The following SPATA16 variants were observed in gnomAD, a reference collection of about 807,000 sequenced individuals.
The protein encoded by SPATA16 is spermatogenesis associated 16, also known as spermatogenesis-associated protein 16.
A neutral mutation model predicts 63.3 loss-of-function variants in SPATA16; 36 were observed. The observed-to-expected ratio is 0.57, with a 90% CI of 0.44 to 0.75. The LOEUF is 0.75. Among genes scored for constraint, SPATA16 ranks in the 30% least tolerant of loss-of-function variants. The pLI, the probability that SPATA16 is intolerant of heterozygous loss-of-function variation, is 0.00. For synonymous variants in SPATA16, 203 were observed against 216.7 expected, an observed-to-expected ratio of 0.94 and a Z score of 0.56; for missense variants, 646 against 679.3, an observed-to-expected ratio of 0.95 and a Z score of 0.54.
At chr3:172,905,080 G>A (rs2109551223) in intron 10 of SPATA16, among the ~76,000 whole-genome samples, 1 of 152,142 alleles carries the variant, frequency 6.6e-6, no homozygotes. Flanking sequence ...AAAGCACTTA[G>A]GTTTCTTTCC....
chr3:172,929,593 C>A (rs1732822474), intron 6 of SPATA16, among the ~76,000 whole-genome samples: 1 of 152,070 alleles, frequency 6.6e-6, no homozygotes, highest in East Asian at 1.9e-4. Context: ...ACACACATTC[C>A]CCTTTCTCCT....
chr3:173,057,324 A>G (rs1369729243), intron 2 of SPATA16, among the ~76,000 whole-genome samples: 2 of 152,040 alleles, frequency 1.3e-5, no homozygotes, highest in Admixed American at 1.3e-4. Flanking sequence ...CGTGTTAGCC[A>G]GGATGGTCTC....
intron 1 of SPATA16, among the ~76,000 whole-genome samples, chr3:173,130,940 A>G (rs555558119): frequency 3.9e-5 from 6 of 152,330 alleles, no homozygotes; most frequent in Non-Finnish European, 7.3e-5. Context: ...TGTCTGTGAG[A>G]AAAATTAACT....
intron 4 of SPATA16, among the ~76,000 whole-genome samples, chr3:172,999,390 A>G (rs1031500392): frequency 7.1e-6 from 1 of 141,206 alleles, no homozygotes; most frequent in Non-Finnish European, 1.5e-5. Context: ...GATATCCCCT[A>G]TTTCATTTCT....
At chr3:172,925,560 C>G (rs1053405598) in intron 6 of SPATA16, 68 bp from the exon 7 acceptor site, 3 of 1,599,894 alleles carry the variant, frequency 1.9e-6, no homozygotes, top group Non-Finnish European at 1.7e-6. Flanking sequence ...GTTTTCCCCC[C>G]CAGATTTCAG....
At chr3:172,905,842 G>A (rs1732221559) in intron 10 of SPATA16, among the ~76,000 whole-genome samples, 1 of 152,132 alleles carries the variant, frequency 6.6e-6, no homozygotes, top group Non-Finnish European at 1.5e-5. Flanking sequence ...TTTTAAAGTG[G>A]CATTTCTCCT....
At chr3:173,134,951 A>G (rs955569700) in intron 1 of SPATA16, among the ~76,000 whole-genome samples, 8 of 152,228 alleles carry the variant, frequency 5.3e-5, no homozygotes, top group Non-Finnish European at 1.0e-4. Context: ...TGAACAGAAC[A>G]TACAAATAAA....
At chr3:172,946,982 C>G (rs1733305454) in intron 6 of SPATA16, among the ~76,000 whole-genome samples, 1 of 147,918 alleles carries the variant, frequency 6.8e-6, no homozygotes, top group African/African-American at 2.7e-5. Flanking sequence ...AAGCTTCAGG[C>G]AGCTCAGCGC....
chr3:172,907,759 G>A (rs1253651932), intron 10 of SPATA16, among the ~76,000 whole-genome samples: 1 of 151,876 alleles, frequency 6.6e-6, no homozygotes, highest in Non-Finnish European at 1.5e-5. Flanking sequence ...TGTATTTTTA[G>A]TAGAAACGGG....
rs567660613 is a variant in SPATA16, at chr3:172,937,831, A to G, written c.1082-12339T>C. Among the ~76,000 whole-genome samples, 20 of 152,310 alleles carry G rather than the reference A, an allele frequency of 1.3e-4. No individual in the cohort carries two copies. In the South Asian group the frequency reaches 2.9e-3, roughly 22 times the overall value. The stretch of plus-strand genomic sequence containing the variant: ...AGAGTAGGAAGGCATGTTTGGGTGG[A>G]TATAGGATCCACTGCTCACTATGGA... On this transcript the variant is annotated intron_variant, in intron 6 of 10. Transcript: ENST00000351008.
At chr3:173,049,165 A>T in intron 2 of SPATA16, 71 bp from the exon 3 acceptor site, 2 of 1,486,794 alleles carry the variant, frequency 1.3e-6, no homozygotes, top group Non-Finnish European at 1.8e-6. Context: ...TAAGCAAAAC[A>T]TGTGTATGTT....
chr3:172,897,452 G>T (rs1263544643), intron 10 of SPATA16, among the ~76,000 whole-genome samples: 2 of 152,048 alleles, frequency 1.3e-5, no homozygotes, highest in African/African-American at 4.8e-5. Flanking sequence ...CATTTATTTA[G>T]ATCTTTGATT....
chr3:173,021,308 C>G (rs1390875103), intron 3 of SPATA16, among the ~76,000 whole-genome samples: 1 of 152,174 alleles, frequency 6.6e-6, no homozygotes, highest in Non-Finnish European at 1.5e-5. Flanking sequence ...AGCCACAGAG[C>G]ATTGTATTAT....
intron 6 of SPATA16, among the ~76,000 whole-genome samples, chr3:172,945,472 T>C (rs114108860): frequency 7.8e-4 from 118 of 152,220 alleles, no homozygotes; most frequent in African/African-American, 2.8e-3. Context: ...GATTTTAACA[T>C]CACATAAAGG....
At chr3:172,961,309 G>C (rs1426710659) in intron 5 of SPATA16, among the ~76,000 whole-genome samples, 1 of 152,108 alleles carries the variant, frequency 6.6e-6, no homozygotes, top group East Asian at 1.9e-4. Flanking sequence ...ATAGTAAATT[G>C]ATTTATTTAG....
At chr3:173,125,668 T>C (rs1295192398) in intron 1 of SPATA16, among the ~76,000 whole-genome samples, 1 of 152,100 alleles carries the variant, frequency 6.6e-6, no homozygotes, top group Non-Finnish European at 1.5e-5. Context: ...CCTTCTCTGA[T>C]GAACTAGAGT....
chr3:173,075,023 G>C (rs373739525), intron 2 of SPATA16, among the ~76,000 whole-genome samples: 1 of 134,882 alleles, frequency 7.4e-6, no homozygotes, highest in Non-Finnish European at 1.6e-5. Context: ...GGAAAGAAAA[G>C]AAAAAAAGAA....
chr3:173,003,576 G>A (rs1011490969), intron 4 of SPATA16, among the ~76,000 whole-genome samples: 6 of 152,154 alleles, frequency 3.9e-5, no homozygotes, highest in African/African-American at 1.4e-4. Flanking sequence ...AGAGTTATGA[G>A]AAACAAAGAT....
intron 4 of SPATA16, among the ~76,000 whole-genome samples, chr3:173,002,689 T>C (rs1734852675): frequency 6.6e-6 from 1 of 152,176 alleles, no homozygotes; most frequent in Non-Finnish European, 1.5e-5. Flanking sequence ...CAAAATTATC[T>C]TATACAGCAT....
Sources: allele counts gnomAD v4.1 joint callset (sites outside exome capture counted in the v4.1 genomes callset), GRCh38; gene constraint gnomAD v4.1.1; transcripts MANE v1.5; gene names NCBI Gene and HGNC (gene_info 2026-07-23, HGNC 2026-07-21).